RB1: variants seen among roughly 807,000 people sequenced by gnomAD.
The protein encoded by RB1 is RB transcriptional corepressor 1, also known as retinoblastoma-associated protein.
RB1 carries 18 observed loss-of-function variants against 135.4 expected under a neutral mutation model. That is an observed-to-expected ratio of 0.13 (90% CI 0.09 to 0.20). The LOEUF is 0.20. RB1 is among the 10% of genes least tolerant of loss of function. The pLI is 1.00. For synonymous variants in RB1, 365 were observed against 373.2 expected (o/e 0.98, Z 0.25); for missense variants, 868 against 1,110.0 (o/e 0.78, Z 3.10).
intron 17 of RB1, among the ~76,000 whole-genome samples, chr13:48,443,678 G>A (rs763663790): frequency 6.6e-6 from 1 of 152,166 alleles, no homozygotes; most frequent in African/African-American, 2.4e-5. Flanking sequence ...TGTCAGTTTA[G>A]TGTTCAGGGC....
chr13:48,351,448 C>G (rs1379785210), intron 6 of RB1, among the ~76,000 whole-genome samples: 1 of 151,780 alleles, frequency 6.6e-6, no homozygotes, highest in Non-Finnish European at 1.5e-5. Flanking sequence ...TTTTCTCTTG[C>G]AAATTTGTCT....
chr13:48,361,999 G>A (rs572845645), intron 7 of RB1, among the ~76,000 whole-genome samples: 1 of 148,342 alleles, frequency 6.7e-6, no homozygotes, highest in Non-Finnish European at 1.5e-5. Flanking sequence ...CAGGCCTGGA[G>A]TTCAGTGGCG....
At chr13:48,463,911 A>G (rs1949420765) in intron 21 of RB1, 76 bp downstream of exon 21, 4 of 888,876 alleles carry the variant, frequency 4.5e-6, no homozygotes, top group Non-Finnish European at 7.6e-6. Context: ...ATTTGATCTC[A>G]TTTATTCATT....
At chr13:48,439,079 G>T (rs1949211175) in intron 17 of RB1, among the ~76,000 whole-genome samples, 1 of 152,166 alleles carries the variant, frequency 6.6e-6, no homozygotes, top group African/African-American at 2.4e-5. Flanking sequence ...GAAAGAGGCA[G>T]TAAGCAAAGG....
chr13:48,388,239 G>A (rs1368866054), intron 17 of RB1, among the ~76,000 whole-genome samples: 1 of 152,130 alleles, frequency 6.6e-6, no homozygotes, highest in Non-Finnish European at 1.5e-5. Context: ...ATGACATGCA[G>A]GTTTCTGGCT....
intron 9 of RB1, among the ~76,000 whole-genome samples, chr13:48,366,576 A>G (rs1952701435): frequency 6.6e-6 from 1 of 152,222 alleles, no homozygotes; most frequent in Admixed American, 6.5e-5. Flanking sequence ...TTAAAGTATA[A>G]TTAAAAAATT....
chr13:48,413,058 T>C (rs1397769238), intron 17 of RB1: 1 of 167,260 alleles, frequency 6.0e-6, no homozygotes, highest in African/African-American at 2.4e-5. Context: ...TGTTAGCTCT[T>C]GTTGAATTGA....
At chr13:48,433,896 T>C (rs1371870744) in intron 17 of RB1, among the ~76,000 whole-genome samples, 1 of 151,872 alleles carries the variant, frequency 6.6e-6, no homozygotes, top group Non-Finnish European at 1.5e-5. Flanking sequence ...TATATACATA[T>C]ATACTTTTTT....
intron 17 of RB1, among the ~76,000 whole-genome samples, chr13:48,418,755 C>T (rs930099222): frequency 4.1e-5 from 6 of 147,518 alleles, no homozygotes; most frequent in Non-Finnish European, 7.5e-5. Flanking sequence ...TCTGATAAAA[C>T]AGACTTTAAA....
chr13:48,478,396 C>A (rs1949517015), intron 26 of RB1, among the ~76,000 whole-genome samples: 1 of 152,012 alleles, frequency 6.6e-6, no homozygotes, highest in Non-Finnish European at 1.5e-5. Context: ...CTTACATATT[C>A]CTATTTTAAC....
intron 2 of RB1, among the ~76,000 whole-genome samples, chr13:48,327,535 C>A (rs1441145684): frequency 6.6e-6 from 1 of 152,126 alleles, no homozygotes; most frequent in Non-Finnish European, 1.5e-5. Flanking sequence ...CAATGCAACA[C>A]CTAGTTTATG....
chr13:48,333,392 A>G (rs1001890775), intron 2 of RB1, among the ~76,000 whole-genome samples: 7 of 152,200 alleles, frequency 4.6e-5, no homozygotes, highest in African/African-American at 1.7e-4. Context: ...ATTTTTCAGA[A>G]AAGCTAATTA....
chr13:48,343,966 C>G (rs1237284643), intron 3 of RB1, among the ~76,000 whole-genome samples: 1 of 152,162 alleles, frequency 6.6e-6, no homozygotes, highest in African/African-American at 2.4e-5. Flanking sequence ...TTGATTGGTC[C>G]AGCCCATTTT....
chr13:48,317,165 C>T, intron 2 of RB1: 5 of 703,618 alleles, frequency 7.1e-6, no homozygotes, highest in East Asian at 4.1e-5. Flanking sequence ...CAGAGAAGGA[C>T]GGGCCCTGTG....
At chr13:48,428,977 T>G (rs1949103654) in intron 17 of RB1, among the ~76,000 whole-genome samples, 1 of 152,212 alleles carries the variant, frequency 6.6e-6, no homozygotes, top group Non-Finnish European at 1.5e-5. Flanking sequence ...AGGATGCTCC[T>G]GGAAGCTGCA....
intron 17 of RB1, among the ~76,000 whole-genome samples, chr13:48,397,088 G>A (rs113966574): frequency 0.044 from 6,671 of 152,214 alleles, 498 homozygotes; most frequent in African/African-American, 0.15. Flanking sequence ...ACAGTGTGGC[G>A]ATTCCTCAAG....
At chr13:48,386,346 A>C (rs1017421677) in intron 17 of RB1, among the ~76,000 whole-genome samples, 7 of 131,910 alleles carry the variant, frequency 5.3e-5, no homozygotes, top group Non-Finnish European at 9.7e-5. Flanking sequence ...TTGCTTCTAG[A>C]CTACAGACCT....
At chr13:48,417,074 G>A (rs550226344) in intron 17 of RB1, 2 of 152,522 alleles carry the variant, frequency 1.3e-5, no homozygotes, top group Admixed American at 1.3e-4. Flanking sequence ...CTCGAGCTCT[G>A]CTAAGGGACA....
In RB1 at chr13:48,452,980, A is replaced by T; in HGVS notation, c.1696-13A>T. 6.2e-7 allele frequency: 1 copy of T among 1,611,656 alleles called. No homozygotes were observed. Among genetic ancestry groups the T allele is most frequent in the Non-Finnish European group, 8.5e-7 (1 of 1,179,368 alleles). Reference sequence around the variant, plus strand: ...TTACTAATGTGGTTTTAATTTCATCATGTTTCATATAGGATTCACCTTTAT... The same window carrying T: ...TTACTAATGTGGTTTTAATTTCATCTTGTTTCATATAGGATTCACCTTTAT... On this transcript the variant is annotated splice_polypyrimidine_tract_variant and intron_variant, in intron 17 of 26. Transcript: ENST00000267163.
Sources: allele counts gnomAD v4.1 joint callset (sites outside exome capture counted in the v4.1 genomes callset), GRCh38; gene constraint gnomAD v4.1.1; transcripts MANE v1.5; gene names NCBI Gene and HGNC (gene_info 2026-07-23, HGNC 2026-07-21).